GRIK4: variants seen among roughly 807,000 people sequenced by gnomAD.
GRIK4 encodes the protein glutamate receptor ionotropic, kainate 4.
A neutral mutation model predicts 104.9 loss-of-function variants in GRIK4; 40 were observed. That is an observed-to-expected ratio of 0.38 (90% CI 0.30 to 0.50). GRIK4 has a LOEUF of 0.50. Among genes scored for constraint, GRIK4 ranks in the 20% least tolerant of loss-of-function variants. GRIK4 has a pLI of 0.93. For missense variants in GRIK4, 1,047 were observed against 1,308.1 expected, an observed-to-expected ratio of 0.80 and a Z score of 3.08; for synonymous variants, 485 against 524.9, an observed-to-expected ratio of 0.92 and a Z score of 1.04.
intron 1 of GRIK4, among the ~76,000 whole-genome samples, chr11:120,563,905 T>C (rs1435346968): frequency 6.6e-6 from 1 of 152,230 alleles, no homozygotes; most frequent in Non-Finnish European, 1.5e-5. Context: ...AGTCACCGTC[T>C]GGGCCCCCTC....
At chr11:120,517,520 G>C (rs1378432858) in intron 1 of GRIK4, among the ~76,000 whole-genome samples, 1 of 149,002 alleles carries the variant, frequency 6.7e-6, no homozygotes, top group African/African-American at 2.5e-5. Flanking sequence ...TCCGCCTAAA[G>C]TTGGAGAGCA....
intron 1 of GRIK4, among the ~76,000 whole-genome samples, chr11:120,527,118 C>G (rs1339742255): frequency 6.6e-6 from 1 of 152,238 alleles, no homozygotes; most frequent in Admixed American, 6.5e-5. Flanking sequence ...AGCCAGCACC[C>G]AGTCCTGGGG....
At chr11:120,895,606 C>A (rs1318797273) in intron 11 of GRIK4, among the ~76,000 whole-genome samples, 1 of 152,160 alleles carries the variant, frequency 6.6e-6, no homozygotes, top group Non-Finnish European at 1.5e-5. Flanking sequence ...GTATCCCCAC[C>A]CCAAGAGACA....
intron 3 of GRIK4, among the ~76,000 whole-genome samples, chr11:120,665,680 T>C: frequency 6.6e-6 from 1 of 152,206 alleles, no homozygotes; most frequent in East Asian, 1.9e-4. Flanking sequence ...ACCAATGTTA[T>C]TGTCAGCCCA....
chr11:120,818,325 C>A (rs1953014594), intron 5 of GRIK4, among the ~76,000 whole-genome samples: 1 of 152,234 alleles, frequency 6.6e-6, no homozygotes, highest in African/African-American at 2.4e-5. Flanking sequence ...CTATCTTGCC[C>A]ATTTGTGACC....
At chr11:120,680,348 C>G (rs112148482) in intron 3 of GRIK4, among the ~76,000 whole-genome samples, 1 of 45,288 alleles carries the variant, frequency 2.2e-5, no homozygotes, top group East Asian at 9.5e-4. Context: ...TAAGTGCTCC[C>G]TAAGTATTAC....
chr11:120,943,238 T>A (rs910082113), intron 14 of GRIK4, among the ~76,000 whole-genome samples: 22 of 151,742 alleles, frequency 1.4e-4, no homozygotes, highest in Admixed American at 5.9e-4. Flanking sequence ...TAGACCTGAT[T>A]GATAACAGGG....
intron 3 of GRIK4, among the ~76,000 whole-genome samples, chr11:120,787,538 C>G (rs1200417628): frequency 6.6e-6 from 1 of 151,448 alleles, no homozygotes; most frequent in East Asian, 1.9e-4. Flanking sequence ...GATCTCGGCT[C>G]GCTGCAACCT....
chr11:120,631,936 G>A (rs773219577), intron 1 of GRIK4, among the ~76,000 whole-genome samples: 5 of 152,160 alleles, frequency 3.3e-5, no homozygotes, highest in Non-Finnish European at 5.9e-5. Flanking sequence ...GTGATCCCAG[G>A]TTTGAAGTCC....
At chr11:120,852,618 T>C (rs955285884) in intron 8 of GRIK4, among the ~76,000 whole-genome samples, 6 of 152,122 alleles carry the variant, frequency 3.9e-5, no homozygotes, top group Non-Finnish European at 7.4e-5. Flanking sequence ...TAAATAGAAT[T>C]CATTGACAGG....
rs1039933385 is a variant in GRIK4, at chr11:120,583,311, C to A, written c.-158-70374C>A. Among the ~76,000 whole-genome samples the A allele has an allele frequency of 1.1e-4, 17 of 152,266 alleles. 1 individual carries two copies. Among genetic ancestry groups the A allele is most frequent in the Admixed American group, 5.9e-4 (9 of 15,294 alleles). On this transcript the variant is annotated intron_variant, in intron 1 of 20. Coordinates refer to ENST00000527524, the MANE Select transcript of GRIK4 (RefSeq NM_014619.5). ...CCATTGTATAGGTTGTCTGTTTACTCTGTTGATAGTTTCTTTTGCTGTGCA... is the reference window on the plus strand; with the variant it reads ...CCATTGTATAGGTTGTCTGTTTACTATGTTGATAGTTTCTTTTGCTGTGCA...
chr11:120,516,285 A>T (rs1431499012), intron 1 of GRIK4, among the ~76,000 whole-genome samples: 2 of 152,130 alleles, frequency 1.3e-5, no homozygotes, highest in African/African-American at 4.8e-5. Context: ...TGCCACCAGC[A>T]TTCAGACCTG....
chr11:120,753,302 T>C (rs1951590076), intron 3 of GRIK4, among the ~76,000 whole-genome samples: 1 of 72,584 alleles, frequency 1.4e-5, no homozygotes, highest in Non-Finnish European at 3.3e-5. Context: ...CAACTCTGTG[T>C]GTGTGTGTGT....
chr11:120,883,820 G>T (rs897893461), intron 11 of GRIK4, among the ~76,000 whole-genome samples: 1 of 152,220 alleles, frequency 6.6e-6, no homozygotes, highest in African/African-American at 2.4e-5. Flanking sequence ...TTCTGCCTGA[G>T]ATCAGTCTGG....
chr11:120,847,811 CAAA>C (rs557448668), intron 8 of GRIK4, among the ~76,000 whole-genome samples: 13 of 152,294 alleles, frequency 8.5e-5, no homozygotes, highest in African/African-American at 3.1e-4. Flanking sequence ...TGGCTTGTCA[CAAA>C]TGCCTGTCCC....
At chr11:120,785,302 T>C (rs1354567578) in intron 3 of GRIK4, among the ~76,000 whole-genome samples, 2 of 152,218 alleles carry the variant, frequency 1.3e-5, no homozygotes, top group Non-Finnish European at 2.9e-5. Context: ...CTGGGGGCTC[T>C]CCATGACTGC....
chr11:120,745,769 G>T (rs561206622), intron 3 of GRIK4, among the ~76,000 whole-genome samples: 3 of 152,204 alleles, frequency 2.0e-5, no homozygotes, highest in Admixed American at 2.0e-4. Flanking sequence ...TTATTTAGGG[G>T]CCAGGATGAA....
intron 3 of GRIK4, among the ~76,000 whole-genome samples, chr11:120,788,861 G>A (rs1045400604): frequency 6.6e-6 from 1 of 151,134 alleles, no homozygotes; most frequent in Non-Finnish European, 1.5e-5. Context: ...CTTCTCGGCC[G>A]CTCCTCCACC....
intron 3 of GRIK4, among the ~76,000 whole-genome samples, chr11:120,718,422 GAT>G (rs1254960617): frequency 2.6e-5 from 4 of 152,218 alleles, no homozygotes; most frequent in Non-Finnish European, 5.9e-5. Flanking sequence ...AGCAAGAAGA[GAT>G]AGGCTTAGGC....
Sources: gnomAD v4.1 joint callset for allele counts (sites outside exome capture counted in the v4.1 genomes callset) on GRCh38, gnomAD v4.1.1 for gene constraint, MANE v1.5 for transcripts, NCBI Gene and HGNC (gene_info 2026-07-23, HGNC 2026-07-21) for gene names.